Variants in AGPS observed in about 807,000 individuals in gnomAD.
AGPS encodes the protein alkylglycerone phosphate synthase, also known as alkyldihydroxyacetonephosphate synthase, peroxisomal.
A neutral mutation model predicts 90.7 loss-of-function variants in AGPS; 26 were observed. That is an observed-to-expected ratio of 0.29 (90% CI 0.21 to 0.40). AGPS has a LOEUF of 0.40. AGPS is among the 10% of genes least tolerant of loss of function. The pLI is 1.00. For missense variants in AGPS, 540 were observed against 816.1 expected, an observed-to-expected ratio of 0.66 and a Z score of 4.12; for synonymous variants, 294 against 285.3, an observed-to-expected ratio of 1.03 and a Z score of -0.31.
At chr2:177,396,534 G>A (rs1301800252) in intron 1 of AGPS, among the ~76,000 whole-genome samples, 3 of 152,176 alleles carry the variant, frequency 2.0e-5, no homozygotes, top group Non-Finnish European at 4.4e-5. Flanking sequence ...ATCAGATTGG[G>A]TTTGGGTTTG....
chr2:177,485,116 A>G (rs1688057287), intron 11 of AGPS, among the ~76,000 whole-genome samples: 1 of 152,064 alleles, frequency 6.6e-6, no homozygotes, highest in South Asian at 2.1e-4. Flanking sequence ...AGTAGTTTGG[A>G]TTTGTATTTA....
chr2:177,432,872 C>G (rs1038418514), intron 2 of AGPS, among the ~76,000 whole-genome samples: 3 of 152,154 alleles, frequency 2.0e-5, no homozygotes, highest in African/African-American at 7.2e-5. Context: ...GTGCTGAGAT[C>G]ACATGGTGAA....
chr2:177,458,764 GAT>G (rs1317982584), intron 8 of AGPS, among the ~76,000 whole-genome samples: 1 of 152,146 alleles, frequency 6.6e-6, no homozygotes, highest in Non-Finnish European at 1.5e-5. Context: ...GTAATTTGTA[GAT>G]GCAATGCTAT....
chr2:177,436,920 C>T (rs775517200), intron 4 of AGPS, 36 bp downstream of exon 4: 47 of 1,610,046 alleles, frequency 2.9e-5, no homozygotes, highest in Non-Finnish European at 3.9e-5. Flanking sequence ...TTATTTTTAA[C>T]AAAAAAATTC....
At chr2:177,454,684 T>G (rs1687058061) in intron 8 of AGPS, among the ~76,000 whole-genome samples, 1 of 152,116 alleles carries the variant, frequency 6.6e-6, no homozygotes, top group African/African-American at 2.4e-5. Flanking sequence ...TGTTTTTCAG[T>G]TCTACAAATA....
At chr2:177,483,885 A>G (rs1688019820) in intron 11 of AGPS, among the ~76,000 whole-genome samples, 1 of 152,204 alleles carries the variant, frequency 6.6e-6, no homozygotes, top group Non-Finnish European at 1.5e-5. Context: ...AAAATATTCC[A>G]TCATTCAAAG....
At chr2:177,455,379 A>C (rs937142187) in intron 8 of AGPS, among the ~76,000 whole-genome samples, 4 of 152,128 alleles carry the variant, frequency 2.6e-5, no homozygotes, top group African/African-American at 9.7e-5. Flanking sequence ...GTCAAGTCAC[A>C]GTGCTCATCA....
chr2:177,532,686 T>A (rs1380706313), intron 19 of AGPS, among the ~76,000 whole-genome samples: 1 of 152,184 alleles, frequency 6.6e-6, no homozygotes, highest in Non-Finnish European at 1.5e-5. Flanking sequence ...GCTTTATTCA[T>A]AATAGCATAA....
intron 10 of AGPS, among the ~76,000 whole-genome samples, chr2:177,472,409 A>T (rs1687653526): frequency 6.7e-6 from 1 of 149,054 alleles, no homozygotes. Context: ...CTCTTGTTTC[A>T]TTTCTTGTTG....
intron 3 of AGPS, among the ~76,000 whole-genome samples, chr2:177,434,795 T>A (rs1245878712): frequency 6.6e-6 from 1 of 151,860 alleles, no homozygotes; most frequent in South Asian, 2.1e-4. Context: ...TTTAGATTAT[T>A]TAATAGACTG....
chr2:177,542,969 T>C lies in AGPS; in HGVS notation c.*4774T>C, dbSNP rs2079251526. ...GAACATGTCAGGAATTAAGCAGTTA[T>C]ATGTGGAAACACTGGTAATTCTTTC... On this transcript the variant is annotated 3_prime_UTR_variant, in exon 20 of 20. Transcript: ENST00000264167. 6.6e-6 allele frequency: 1 copy of C among 152,232 alleles called. No individual in the cohort carries two copies. Among genetic ancestry groups the C allele is most frequent in the South Asian group, 2.1e-4 (1 of 4,836 alleles). The allele number at this position is 152,232 out of a possible 1,614,324, so 9.4% of individuals were successfully genotyped here. A position where few individuals can be genotyped will look rare whatever the true frequency, so the allele number is the denominator to read the frequency against.
chr2:177,453,799 T>C (rs1440055828), intron 8 of AGPS, among the ~76,000 whole-genome samples: 2 of 139,502 alleles, frequency 1.4e-5, no homozygotes, highest in Admixed American at 1.6e-4. Context: ...GTGATTCTCC[T>C]ACCTCAGCCT....
At chr2:177,501,011 G>A (rs1359430597) in intron 14 of AGPS, among the ~76,000 whole-genome samples, 1 of 152,014 alleles carries the variant, frequency 6.6e-6, no homozygotes, top group East Asian at 1.9e-4. Flanking sequence ...TTGATTAAAG[G>A]ACTGTTTTCT....
intron 10 of AGPS, among the ~76,000 whole-genome samples, chr2:177,472,072 T>C (rs1198114220): frequency 6.6e-6 from 1 of 151,926 alleles, no homozygotes; most frequent in Non-Finnish European, 1.5e-5. Context: ...GGTCTCCTTT[T>C]ATTTCTGTGA....
At chr2:177,504,386 A>T (rs145849560) in intron 14 of AGPS, among the ~76,000 whole-genome samples, 1 of 152,204 alleles carries the variant, frequency 6.6e-6, no homozygotes, top group Non-Finnish European at 1.5e-5. Flanking sequence ...TCTCACTTTC[A>T]GCTGCTTGAC....
chr2:177,467,694 C>G (rs185489217), intron 9 of AGPS, among the ~76,000 whole-genome samples: 1 of 152,242 alleles, frequency 6.6e-6, no homozygotes, highest in East Asian at 1.9e-4. Context: ...TTGATGTTCT[C>G]TGCTCATTTC....
chr2:177,408,516 T>G (rs541109661), intron 1 of AGPS, among the ~76,000 whole-genome samples: 2 of 152,296 alleles, frequency 1.3e-5, no homozygotes, highest in African/African-American at 4.8e-5. Flanking sequence ...AGATAGTCCT[T>G]TGTAAGATTT....
intron 10 of AGPS, 109 bp from the exon 11 acceptor site, chr2:177,481,950 A>G: frequency 1.9e-6 from 2 of 1,080,628 alleles, no homozygotes; most frequent in Admixed American, 2.3e-5. Context: ...GGTAGACTTG[A>G]TAAATTTAAA....
intron 7 of AGPS, 87 bp downstream of exon 7, chr2:177,442,573 G>A (rs956772644): frequency 1.5e-5 from 17 of 1,101,586 alleles, no homozygotes; most frequent in Middle Eastern, 2.8e-4. Flanking sequence ...GCCACTGGGC[G>A]CTGTGGCTCA....
Sources: allele counts gnomAD v4.1 joint callset (sites outside exome capture counted in the v4.1 genomes callset), GRCh38; gene constraint gnomAD v4.1.1; transcripts MANE v1.5; gene names NCBI Gene and HGNC (gene_info 2026-07-23, HGNC 2026-07-21).